Variants in GPBAR1 observed in about 807,000 individuals in gnomAD.
GPBAR1 encodes the protein G-protein coupled bile acid receptor 1.
GPBAR1 carries 13 observed loss-of-function variants against 13.0 expected under a neutral mutation model. That is an observed-to-expected ratio of 1.00 (90% CI 0.65 to 1.59). The LOEUF is 1.59. Ranked by LOEUF, GPBAR1 falls within the 40% of genes most tolerant of loss-of-function variation. GPBAR1 has a pLI of 0.00. For missense variants in GPBAR1, 398 were observed against 436.4 expected (o/e 0.91, Z 0.78); for synonymous variants, 193 against 205.2 (o/e 0.94, Z 0.51).
chr2:218,263,097 C>A lies in GPBAR1; in HGVS notation c.373C>A (p.Arg125=). The change falls in exon 2 of 2, where the codon CGG becomes AGG. Residue 125 remains arginine (R), a synonymous_variant. Coordinates refer to ENST00000519574, the MANE Select transcript of GPBAR1 (RefSeq NM_170699.3). This position sits in a 1 kb window ranked among gnomAD's most constrained non-coding sequence, Gnocchi z 4.2. The stretch of plus-strand genomic sequence containing the variant: ...GCCACTCCAGCCCCCTGGGAGCATT[C>A]GGCTGGCCCTGCTCCTCACCTGGGC... ...LRPLQPPGSI[R]LALLLTWAGP... 2.5e-6 allele frequency: 4 copies of A among 1,613,024 alleles called. No individual in the cohort carries two copies. The highest frequency in any genetic ancestry group is 3.4e-6 in the Non-Finnish European group (4 of 1,179,854).
At position 218,263,090 on chromosome 2, in the gene GPBAR1, G is replaced by A; in HGVS notation, c.366G>A (p.Gly122=). ...TCCTGAGGCCACTCCAGCCCCCTGG[G>A]AGCATTCGGCTGGCCCTGCTCCTCA... is the stretch of plus-strand genomic sequence containing the variant. ...MAVLRPLQPP[G]SIRLALLLTW... is the part of the protein sequence containing the mutation. Residue 122 remains glycine (G), a synonymous_variant, in exon 2 of 2, where the codon GGG becomes GGA. Coordinates refer to ENST00000519574, the MANE Select transcript of GPBAR1 (RefSeq NM_170699.3). This position sits in a 1 kb window ranked among gnomAD's most constrained non-coding sequence, Gnocchi z 4.2. 1 of 1,613,082 alleles carries A rather than the reference G, an allele frequency of 6.2e-7. No individual in the cohort carries two copies. Among genetic ancestry groups the A allele is most frequent in the South Asian group, 1.1e-5 (1 of 91,076 alleles).
rs1690448140 is a variant in GPBAR1, at chr2:218,262,404, T to A, written c.-45-276T>A. 6.3e-6 allele frequency: 2 copies of A among 319,930 alleles called. No homozygotes were observed. The highest frequency in any genetic ancestry group is 1.2e-5 in the Non-Finnish European group (2 of 173,330). The allele number at this position is 319,930 out of a possible 1,614,324, so 19.8% of individuals were successfully genotyped here. On this transcript the variant is annotated intron_variant, in intron 1 of 1. Coordinates refer to ENST00000519574, the MANE Select transcript of GPBAR1 (RefSeq NM_170699.3). This position sits in a 1 kb window ranked among gnomAD's most constrained non-coding sequence, Gnocchi z 5.1. ...GGCAGATACCAGAAATGGATAAAGC[T>A]GGCTGGGTGGGGACTGTCCGAAGGG...
chr2:218,263,128 C>G lies in GPBAR1; in HGVS notation c.404C>G (p.Pro135Arg). The G allele has an allele frequency of 6.8e-6, 11 of 1,612,524 alleles. No homozygotes were observed. The highest frequency in any genetic ancestry group is 9.3e-6 in the Non-Finnish European group (11 of 1,179,856). Residue 135 changes from proline (P) to arginine (R), a missense_variant, in exon 2 of 2, where the codon CCC becomes CGC. Pro to Arg is a moderately radical substitution (Grantham distance 103). Transcript: ENST00000519574. The surrounding 1 kb of genome is among the most constrained non-coding windows in gnomAD (Gnocchi z 4.2). ...RLALLLTWAGPLLFASLPALG... is the reference protein window; with the variant it reads ...RLALLLTWAGRLLFASLPALG... ...GCCCTGCTCCTCACCTGGGCTGGTC[C>G]CCTGCTCTTTGCCAGTCTGCCCGCT...
At position 218,262,877 on chromosome 2, in the gene GPBAR1, C is replaced by G; in HGVS notation, c.153C>G (p.Gly51=). Reference sequence around the variant, plus strand: ...GCCGCCTGCGCAGCCCACCTGCTGGCTGCTTCTTCCTGAGCCTACTGCTGG... The same window carrying G: ...GCCGCCTGCGCAGCCCACCTGCTGGGTGCTTCTTCCTGAGCCTACTGCTGG... The part of the protein sequence containing the change: ...WDRRLRSPPA[G]CFFLSLLLAG... The change falls in exon 2 of 2, where the codon GGC becomes GGG. Residue 51 remains glycine, a synonymous_variant. Transcript: ENST00000519574. This position sits in a 1 kb window ranked among gnomAD's most constrained non-coding sequence, Gnocchi z 5.1. The G allele has an allele frequency of 6.2e-7, 1 of 1,613,728 alleles. No individual in the cohort carries two copies. Among genetic ancestry groups the G allele is most frequent in the Non-Finnish European group, 8.5e-7 (1 of 1,179,826 alleles).
chr2:218,262,953 C>T lies in GPBAR1; in HGVS notation c.229C>T (p.Gln77Ter), dbSNP rs1690477506. The T allele has an allele frequency of 6.2e-7, 1 of 1,613,978 alleles. No homozygotes were observed. Among genetic ancestry groups the T allele is most frequent in the African/African-American group, 1.3e-5 (1 of 75,038 alleles). Reference protein sequence around the residue: ...ALPTLPGLWNQSRRGYWSCLL... With the variant: ...ALPTLPGLWN The stretch of plus-strand genomic sequence containing the variant: ...GCCCACATTGCCAGGGCTGTGGAAC[C>T]AGAGTCGCCGGGGTTACTGGTCCTG... The change falls in exon 2 of 2, where the codon CAG (glutamine) becomes TAG (stop). Residue 77 changes from glutamine (Q) to a stop codon, truncating the protein, a stop_gained. Transcript: ENST00000519574. LOFTEE classifies it high-confidence loss of function. This position sits in a 1 kb window ranked among gnomAD's most constrained non-coding sequence, Gnocchi z 5.1.
In GPBAR1 at chr2:218,262,982, C is replaced by T. The variant is rs1258774800; in HGVS notation, c.258C>T (p.Leu86=). Residue 86 remains leucine (L), a synonymous_variant, in exon 2 of 2, where the codon CTC becomes CTT. Coordinates refer to ENST00000519574, the MANE Select transcript of GPBAR1 (RefSeq NM_170699.3). This position sits in a 1 kb window ranked among gnomAD's most constrained non-coding sequence, Gnocchi z 5.1. ...GTCGCCGGGGTTACTGGTCCTGCCT[C>T]CTCGTCTACTTGGCTCCCAACTTCT... ...NQSRRGYWSC[L]LVYLAPNFSF... 2.5e-6 allele frequency: 4 copies of T among 1,613,806 alleles called. No individual in the cohort carries two copies. Among genetic ancestry groups the T allele is most frequent in the Non-Finnish European group, 2.5e-6 (3 of 1,179,888 alleles).
At position 218,263,331 on chromosome 2, in the gene GPBAR1, G is replaced by A. The variant is rs945931617; in HGVS notation, c.607G>A (p.Glu203Lys). Reference sequence around the variant, plus strand: ...CCAGCTGCAGGACATCTGCCGGCTGGAGCGGGCAGTGTGCCGCGATGAGCC... The same window carrying A: ...CCAGCTGCAGGACATCTGCCGGCTGAAGCGGGCAGTGTGCCGCGATGAGCC... ...HRQLQDICRLERAVCRDEPSA... is the reference protein window; with the variant it reads ...HRQLQDICRLKRAVCRDEPSA... Residue 203 changes from glutamate to lysine, a missense_variant, in exon 2 of 2, where the codon GAG becomes AAG. Coordinates refer to ENST00000519574, the MANE Select transcript of GPBAR1 (RefSeq NM_170699.3). This position sits in a 1 kb window ranked among gnomAD's most constrained non-coding sequence, Gnocchi z 4.2. 3 of 1,603,036 alleles carry A rather than the reference G, an allele frequency of 1.9e-6. No individual in the cohort carries two copies. The highest frequency in any genetic ancestry group is 1.7e-4 in the Middle Eastern group (1 of 6,048).
chr2:218,260,846 C>G (rs1690392701), upstream of GPBAR1, among the ~76,000 whole-genome samples: 1 of 152,160 alleles, frequency 6.6e-6, no homozygotes, highest in Non-Finnish European at 1.5e-5. Context: ...TCTCAGATTA[C>G]TCCGAGCTGG....
chr2:218,262,736 C>G lies in GPBAR1; in HGVS notation c.12C>G (p.Asn4Lys), dbSNP rs202233050. The stretch of plus-strand genomic sequence containing the variant: ...TCCCCAGGACCAAGATGACGCCCAA[C>G]AGCACTGGCGAGGTGCCCAGCCCCA... MTP[N>K]STGEVPSPIP... The change falls in exon 2 of 2, where the codon AAC becomes AAG. Residue 4 changes from asparagine to lysine, a missense_variant. Physicochemically the swap from Asn to Lys is moderately conservative, Grantham distance 94. Coordinates refer to ENST00000519574, the MANE Select transcript of GPBAR1 (RefSeq NM_170699.3). The surrounding 1 kb of genome is among the most constrained non-coding windows in gnomAD (Gnocchi z 5.1). 1 of 1,591,376 alleles carries G rather than the reference C, an allele frequency of 6.3e-7. No homozygotes were observed. The highest frequency in any genetic ancestry group is 1.7e-5 in the Admixed American group (1 of 58,832).
In GPBAR1 at chr2:218,263,335, G is replaced by A. The variant is rs201761361; in HGVS notation, c.611G>A (p.Arg204Gln). 6.9e-5 allele frequency: 110 copies of A among 1,602,350 alleles called. 1 individual carries two copies. The highest frequency in any genetic ancestry group is 3.6e-4 in the African/African-American group (27 of 74,906). ...CTGCAGGACATCTGCCGGCTGGAGC[G>A]GGCAGTGTGCCGCGATGAGCCCTCC... Reference protein sequence around the residue: ...RQLQDICRLERAVCRDEPSAL... With the variant: ...RQLQDICRLEQAVCRDEPSAL... The change falls in exon 2 of 2, where the codon CGG (arginine) becomes CAG (glutamine). Residue 204 changes from arginine to glutamine, a missense_variant. By Grantham distance (43) the Arg-to-Gln change is conservative. Transcript: ENST00000519574. The surrounding 1 kb of genome is among the most constrained non-coding windows in gnomAD (Gnocchi z 4.2).
Position 218,263,756 on chromosome 2 carries a change from C to T in GPBAR1, c.*39C>T. The T allele has an allele frequency of 6.2e-7, 1 of 1,612,214 alleles. No individual in the cohort carries two copies. The highest frequency in any genetic ancestry group is 2.2e-5 in the East Asian group (1 of 44,890). ...GCTGACTCCTACCAGAGCATCCGTC[C>T]AGCTCAGCCATCCAGCCTGTCTCTA... On this transcript the variant is annotated 3_prime_UTR_variant, in exon 2 of 2. Coordinates refer to ENST00000519574, the MANE Select transcript of GPBAR1 (RefSeq NM_170699.3). This position sits in a 1 kb window ranked among gnomAD's most constrained non-coding sequence, Gnocchi z 4.2.
At position 218,263,292 on chromosome 2, in the gene GPBAR1, G is replaced by A. The variant is rs776487827; in HGVS notation, c.568G>A (p.Ala190Thr). The change falls in exon 2 of 2, where the codon GCC becomes ACC. Residue 190 changes from alanine to threonine, a missense_variant. Physicochemically the swap from Ala to Thr is moderately conservative, Grantham distance 58. Coordinates refer to ENST00000519574, the MANE Select transcript of GPBAR1 (RefSeq NM_170699.3). This position sits in a 1 kb window ranked among gnomAD's most constrained non-coding sequence, Gnocchi z 4.2. ...AAAFLSVRVL[A>T]TAHRQLQDIC... Reference sequence around the variant, plus strand: ...TGCCTTCCTCTCTGTCCGCGTGCTGGCCACTGCCCACCGCCAGCTGCAGGA... The same window carrying A: ...TGCCTTCCTCTCTGTCCGCGTGCTGACCACTGCCCACCGCCAGCTGCAGGA... The A allele has an allele frequency of 1.2e-6, 2 of 1,606,540 alleles. No individual in the cohort carries two copies. The highest frequency in any genetic ancestry group is 1.7e-6 in the Non-Finnish European group (2 of 1,179,508).
chr2:218,261,968 C>CTGGGGGTG (rs1199877014), intron 1 of GPBAR1: 1 of 154,014 alleles, frequency 6.5e-6, no homozygotes, highest in East Asian at 1.9e-4. Flanking sequence ...AGCCTCAGGC[C>CTGGGGGTG]TGGGGGTGTG....
Position 218,263,657 on chromosome 2 carries a change from C to A in GPBAR1, c.933C>A (p.Pro311=), listed in dbSNP as rs1419511835. The A allele has an allele frequency of 1.2e-6, 2 of 1,612,868 alleles. No individual in the cohort carries two copies. The highest frequency in any genetic ancestry group is 1.1e-5 in the South Asian group (1 of 91,086). Residue 311 remains proline, a synonymous_variant, in exon 2 of 2, where the codon CCC becomes CCA. Transcript: ENST00000519574. This position sits in a 1 kb window ranked among gnomAD's most constrained non-coding sequence, Gnocchi z 4.2. Reference sequence around the variant, plus strand: ...GGGGAAGAGCCTCCCGGGACAGTCCCGGCCCCAGCATTGCCTACCACCCAA... The same window carrying A: ...GGGGAAGAGCCTCCCGGGACAGTCCAGGCCCCAGCATTGCCTACCACCCAA... ...GLWGRASRDS[P]GPSIAYHPSS... is the part of the protein sequence containing the mutation.
chr2:218,263,149 C>T lies in GPBAR1; in HGVS notation c.425C>T (p.Pro142Leu), dbSNP rs201897222. Residue 142 changes from proline (P) to leucine (L), a missense_variant, in exon 2 of 2, where the codon CCC (proline) becomes CTC (leucine). Physicochemically the swap from Pro to Leu is moderately conservative, Grantham distance 98 (BLOSUM62 -3). Transcript: ENST00000519574. The surrounding 1 kb of genome is among the most constrained non-coding windows in gnomAD (Gnocchi z 4.2). ...GGTCCCCTGCTCTTTGCCAGTCTGC[C>T]CGCTCTGGGGTGGAACCACTGGACC... ...WAGPLLFASLPALGWNHWTPG... is the reference protein window; with the variant it reads ...WAGPLLFASLLALGWNHWTPG... 13 of 1,611,704 alleles carry T rather than the reference C, an allele frequency of 8.1e-6. No individual in the cohort carries two copies. The highest frequency in any genetic ancestry group is 1.1e-5 in the Non-Finnish European group (13 of 1,179,880).
Position 218,263,442 on chromosome 2 carries a change from T to G in GPBAR1, c.718T>G (p.Tyr240Asp), listed in dbSNP as rs202132344. 178 of 1,602,846 alleles carry G rather than the reference T, an allele frequency of 1.1e-4. No individual in the cohort carries two copies. The highest frequency in any genetic ancestry group is 1.4e-4 in the Non-Finnish European group (166 of 1,175,706). ...MLLFGLCWGP[Y>D]VATLLLSVLA... ...GCTCTTCGGGCTGTGCTGGGGGCCC[T>G]ACGTGGCCACACTGCTCCTCTCAGT... Residue 240 changes from tyrosine (Y) to aspartate (D), a missense_variant, in exon 2 of 2, where the codon TAC becomes GAC. Transcript: ENST00000519574. This position sits in a 1 kb window ranked among gnomAD's most constrained non-coding sequence, Gnocchi z 4.2.
rs777085891 is a variant in GPBAR1 at position 218,263,580 on chromosome 2, C to T, written c.856C>T (p.Arg286Cys). 8.1e-6 allele frequency: 13 copies of T among 1,612,576 alleles called. No homozygotes were observed. Among genetic ancestry groups the T allele is most frequent in the South Asian group, 3.3e-5 (3 of 91,068 alleles). ...VPVAMGLGDQ[R>C]YTAPWRAAAQ... is the part of the protein sequence containing the mutation. ...CGTAGCCATGGGGCTGGGCGATCAG[C>T]GCTACACAGCCCCCTGGAGGGCAGC... Residue 286 changes from arginine (R) to cysteine (C), a missense_variant, in exon 2 of 2, where the codon CGC becomes TGC. Arg to Cys is a radical substitution (Grantham distance 180). Coordinates refer to ENST00000519574, the MANE Select transcript of GPBAR1 (RefSeq NM_170699.3). This position sits in a 1 kb window ranked among gnomAD's most constrained non-coding sequence, Gnocchi z 4.2.
Position 218,263,530 on chromosome 2 carries a change from G to A in GPBAR1, c.806G>A (p.Gly269Glu). 2 of 1,612,190 alleles carry A rather than the reference G, an allele frequency of 1.2e-6. No individual in the cohort carries two copies. The highest frequency in any genetic ancestry group is 1.7e-6 in the Non-Finnish European group (2 of 1,179,580). The change falls in exon 2 of 2, where the codon GGA becomes GAA. Residue 269 changes from glycine (G) to glutamate (E), a missense_variant. Transcript: ENST00000519574. This position sits in a 1 kb window ranked among gnomAD's most constrained non-coding sequence, Gnocchi z 4.2. ...PGTLLSLLSL[G>E]SASAAAVPVA... is the part of the protein sequence containing the mutation. The stretch of plus-strand genomic sequence containing the variant: ...ACACTGTTGTCCCTCCTCTCCCTAG[G>A]AAGTGCCAGTGCAGCGGCAGTGCCC...
chr2:218,263,071 G>A lies in GPBAR1; in HGVS notation c.347G>A (p.Arg116Lys), dbSNP rs199550995. 10 of 1,613,528 alleles carry A rather than the reference G, an allele frequency of 6.2e-6. No homozygotes were observed. The highest frequency in any genetic ancestry group is 8.5e-6 in the Non-Finnish European group (10 of 1,179,864). Reference sequence around the variant, plus strand: ...GGGGAGCGCTACATGGCAGTCCTGAGGCCACTCCAGCCCCCTGGGAGCATT... The same window carrying A: ...GGGGAGCGCTACATGGCAGTCCTGAAGCCACTCCAGCCCCCTGGGAGCATT... The part of the protein sequence containing the change: ...VHGERYMAVL[R>K]PLQPPGSIRL... Residue 116 changes from arginine to lysine, a missense_variant, in exon 2 of 2, where the codon AGG (arginine) becomes AAG (lysine). By Grantham distance (26) the Arg-to-Lys change is conservative (BLOSUM62 2). Coordinates refer to ENST00000519574, the MANE Select transcript of GPBAR1 (RefSeq NM_170699.3). The surrounding 1 kb of genome is among the most constrained non-coding windows in gnomAD (Gnocchi z 4.2).
Sources: gnomAD v4.1 joint callset for allele counts (sites outside exome capture counted in the v4.1 genomes callset) on GRCh38, gnomAD v4.1.1 for gene constraint, Gnocchi (gnomAD v3.1) non-coding constraint, MANE v1.5 for transcripts, NCBI Gene and HGNC (gene_info 2026-07-23, HGNC 2026-07-21) for gene names.